Variants in PCDHA4 observed in about 807,000 individuals in gnomAD.
The protein encoded by PCDHA4 is protocadherin alpha-4.
In PCDHA4, 49 loss-of-function variants were observed where a neutral mutation model predicts 61.4. That is an observed-to-expected ratio of 0.80 (90% CI 0.63 to 1.01). The LOEUF is 1.01. Ranked by LOEUF, PCDHA4 falls within the 50% of genes least tolerant of loss-of-function variation. The pLI is 0.00. For synonymous variants in PCDHA4, 590 were observed against 550.3 expected (o/e 1.07, Z -1.01); for missense variants, 1,254 against 1,235.8 (o/e 1.01, Z -0.22).
At chr5:140,876,660 G>C in intron 1 of PCDHA4, 1 of 1,614,216 alleles carries the variant, frequency 6.2e-7, no homozygotes, top group Non-Finnish European at 8.5e-7. Context: ...TTCCCTTCAA[G>C]CTGGTGTCCA....
rs2150161995 is a variant in PCDHA4 at position 140,829,027 on chromosome 5, A to G, written c.2385+19455A>G. ...TTCGGGGTAATTTGGATTTTGAACA[A>G]GAAAACTTATACAAAATCCTCATTG... On this transcript the variant is annotated intron_variant, in intron 1 of 3. Transcript: ENST00000530339. The G allele has an allele frequency of 2.5e-6, 4 of 1,613,610 alleles. No homozygotes were observed. The South Asian group carries it at 4.4e-5, about 18-fold the overall frequency.
chr5:140,908,904 G>A (rs1467772032), intron 1 of PCDHA4, among the ~76,000 whole-genome samples: 2 of 152,194 alleles, frequency 1.3e-5, no homozygotes, highest in Non-Finnish European at 1.5e-5. Flanking sequence ...AGCCTCTTTC[G>A]TGGTTGTAGG....
At chr5:140,831,761 G>T (rs2150109783) in intron 1 of PCDHA4, among the ~76,000 whole-genome samples, 2 of 152,184 alleles carry the variant, frequency 1.3e-5, no homozygotes, top group African/African-American at 4.8e-5. Context: ...TACCAATTTT[G>T]TTTTGTGGAT....
In PCDHA4 at chr5:141,010,279, A is replaced by T. The variant is rs2098416787; in HGVS notation, c.*342A>T. 2.6e-6 allele frequency: 4 copies of T among 1,551,490 alleles called. No homozygotes were observed. The highest frequency in any genetic ancestry group is 3.5e-6 in the Non-Finnish European group (4 of 1,146,936). ...CCTGTGCTCCGGGGATCCTGTCTTG[A>T]TGACACTTGCAGGGCAGGCTGAAAA... On this transcript the variant is annotated 3_prime_UTR_variant, in exon 4 of 4. Coordinates refer to ENST00000530339, the MANE Select transcript of PCDHA4 (RefSeq NM_018907.4).
intron 1 of PCDHA4, among the ~76,000 whole-genome samples, chr5:140,826,250 A>G (rs992986952): frequency 6.6e-6 from 1 of 152,180 alleles, no homozygotes; most frequent in African/African-American, 2.4e-5. Context: ...ATATCTCTTT[A>G]TATATCAAGT....
chr5:140,968,682 C>T, intron 1 of PCDHA4: 1 of 1,614,128 alleles, frequency 6.2e-7, no homozygotes, highest in Non-Finnish European at 8.5e-7. Flanking sequence ...GAGCTGCACA[C>T]AGGAGAAATT....
intron 1 of PCDHA4, chr5:140,863,488 A>C (rs1554158271): frequency 4.4e-6 from 2 of 451,898 alleles, no homozygotes; most frequent in African/African-American, 2.0e-5. Flanking sequence ...CCCAAGGTCA[A>C]CATTACGGCT....
chr5:140,875,891 T>C (rs781902632), intron 1 of PCDHA4: 3 of 1,614,008 alleles, frequency 1.9e-6, no homozygotes, highest in Non-Finnish European at 2.5e-6. Context: ...GAACAAAAGG[T>C]ACCTGTTTCT....
intron 1 of PCDHA4, among the ~76,000 whole-genome samples, chr5:140,897,896 T>C (rs1377037458): frequency 6.6e-6 from 1 of 152,204 alleles, no homozygotes; most frequent in Non-Finnish European, 1.5e-5. Context: ...TGGTGTGAGA[T>C]GGTATCTCAT....
At chr5:140,968,598 A>G in intron 1 of PCDHA4, 2 of 1,614,102 alleles carry the variant, frequency 1.2e-6, no homozygotes, top group Non-Finnish European at 1.7e-6. Flanking sequence ...ATAGCTATGG[A>G]CTCAGACTCT....
Position 140,875,563 on chromosome 5 carries a change from C to T in PCDHA4, c.2385+65991C>T, listed in dbSNP as rs1554167760. The T allele has an allele frequency of 3.1e-6, 5 of 1,614,014 alleles. No homozygotes were observed. The Admixed American group carries it at 8.3e-5, about 27-fold the overall frequency. ...AGCCTGGGAGGTGGGGAGCGGCCAG[C>T]TCCACTACTCCGTCTACGAGGAGGC... On this transcript the variant is annotated intron_variant, in intron 1 of 3. Transcript: ENST00000530339.
At chr5:140,924,646 G>A (rs2081930568) in intron 1 of PCDHA4, among the ~76,000 whole-genome samples, 1 of 152,122 alleles carries the variant, frequency 6.6e-6, no homozygotes, top group Non-Finnish European at 1.5e-5. Context: ...TGTAATCCCA[G>A]CACTTTGGGA....
At chr5:140,873,449 T>G (rs565390619) in intron 1 of PCDHA4, among the ~76,000 whole-genome samples, 1 of 152,310 alleles carries the variant, frequency 6.6e-6, no homozygotes, top group Non-Finnish European at 1.5e-5. Flanking sequence ...AATAACAAAT[T>G]TGCATTTTAG....
At chr5:141,008,238 G>A (rs2098366224) in intron 3 of PCDHA4, among the ~76,000 whole-genome samples, 1 of 152,046 alleles carries the variant, frequency 6.6e-6, no homozygotes, top group Admixed American at 6.6e-5. Context: ...TACTGCTCAG[G>A]GACACCAAAT....
intron 1 of PCDHA4, among the ~76,000 whole-genome samples, chr5:140,923,800 T>C (rs1235494729): frequency 2.0e-5 from 3 of 152,178 alleles, no homozygotes; most frequent in Non-Finnish European, 4.4e-5. Flanking sequence ...TTTTCACAAA[T>C]GAAATCTTCT....
chr5:140,925,641 TATAATA>T (rs10569930), intron 1 of PCDHA4, among the ~76,000 whole-genome samples: 8,694 of 143,320 alleles, frequency 0.061, 267 homozygotes, highest in Non-Finnish European at 0.068. Flanking sequence ...GAACTTAAAG[TATAATA>T]ATAATAATAA....
chr5:140,826,565 G>T (rs1768967744), intron 1 of PCDHA4, among the ~76,000 whole-genome samples: 1 of 152,090 alleles, frequency 6.6e-6, no homozygotes, highest in South Asian at 2.1e-4. Flanking sequence ...TTGAAGGAGG[G>T]GTTTAATCAC....
At chr5:140,840,004 G>A (rs1554137669) in intron 1 of PCDHA4, among the ~76,000 whole-genome samples, 1 of 152,062 alleles carries the variant, frequency 6.6e-6, no homozygotes, top group Non-Finnish European at 1.5e-5. Flanking sequence ...TTAGCACTGA[G>A]AAGATTGGCT....
intron 1 of PCDHA4, chr5:140,853,295 G>T: frequency 1.0e-6 from 1 of 982,026 alleles, no homozygotes. Flanking sequence ...ATTCTCAGAA[G>T]GGCTGTGAAC....
Sources: gnomAD v4.1 joint callset for allele counts (sites outside exome capture counted in the v4.1 genomes callset) on GRCh38, gnomAD v4.1.1 for gene constraint, MANE v1.5 for transcripts, NCBI Gene and HGNC (gene_info 2026-07-23, HGNC 2026-07-21) for gene names.